The following FIG4 variants were observed in gnomAD, a reference collection of about 807,000 sequenced individuals.
FIG4 encodes FIG4 phosphoinositide 5-phosphatase, also known as polyphosphoinositide phosphatase.
In FIG4, 112 loss-of-function variants were observed where a neutral mutation model predicts 118.6. That is an observed-to-expected ratio of 0.94 (90% CI 0.81 to 1.11). The LOEUF (loss-of-function observed/expected upper bound fraction) is 1.11, where lower values mean the gene tolerates loss of function less well. Among genes scored for constraint, FIG4 ranks in the 50% least tolerant of loss-of-function variants. The pLI, the probability that FIG4 is intolerant of heterozygous loss-of-function variation, is 0.00. For synonymous variants in FIG4, 369 were observed against 381.2 expected (o/e 0.97, Z 0.37); for missense variants, 969 against 1,111.7 (o/e 0.87, Z 1.83).
chr6:109,748,325 G>A (rs574937175), intron 10 of FIG4, among the ~76,000 whole-genome samples: 1 of 152,128 alleles, frequency 6.6e-6, no homozygotes, highest in African/African-American at 2.4e-5. Flanking sequence ...AGGATGAAAG[G>A]CATTTTGGAT....
chr6:109,756,066 G>T (rs1384923563), intron 10 of FIG4, among the ~76,000 whole-genome samples: 1 of 152,152 alleles, frequency 6.6e-6, no homozygotes, highest in African/African-American at 2.4e-5. Context: ...ATTTTGCAGC[G>T]GCTGGTGCCG....
intron 22 of FIG4, among the ~76,000 whole-genome samples, chr6:109,804,248 T>A (rs985589288): frequency 6.6e-6 from 1 of 152,174 alleles, no homozygotes; most frequent in Non-Finnish European, 1.5e-5. Flanking sequence ...GGTTTAACCT[T>A]TAATATTTTG....
At chr6:109,801,620 C>T (rs902686909) in intron 22 of FIG4, among the ~76,000 whole-genome samples, 11 of 152,170 alleles carry the variant, frequency 7.2e-5, no homozygotes, top group South Asian at 6.2e-4. Context: ...AAGAATCTCT[C>T]GTAAAAAGTG....
chr6:109,695,601 G>GACACACACACACACAGAC (rs1774691716), intron 1 of FIG4, among the ~76,000 whole-genome samples: 2 of 99,268 alleles, frequency 2.0e-5, no homozygotes, highest in Non-Finnish European at 4.7e-5. Context: ...CACACACACA[G>GACACACACACACACAGAC]ACACACACAC....
chr6:109,733,566 A>G (rs1162614659), intron 5 of FIG4, among the ~76,000 whole-genome samples: 1 of 152,098 alleles, frequency 6.6e-6, no homozygotes, highest in East Asian at 1.9e-4. Context: ...AATATAGTTA[A>G]CCATTTCTTT....
chr6:109,805,927 G>T (rs1246155606), intron 22 of FIG4, among the ~76,000 whole-genome samples: 2 of 151,992 alleles, frequency 1.3e-5, no homozygotes, highest in African/African-American at 4.8e-5. Flanking sequence ...TTTGATAATA[G>T]AATAGAGCTA....
chr6:109,744,747 C>T (rs1003012110), intron 10 of FIG4, among the ~76,000 whole-genome samples: 8 of 152,116 alleles, frequency 5.3e-5, no homozygotes, highest in East Asian at 3.9e-4. Context: ...CCCATCAACC[C>T]GTCATCTACA....
intron 10 of FIG4, among the ~76,000 whole-genome samples, chr6:109,754,956 A>T (rs1321574664): frequency 6.6e-6 from 1 of 151,662 alleles, no homozygotes; most frequent in Non-Finnish European, 1.5e-5. Flanking sequence ...CTCTGATTTT[A>T]GTTATTTCTT....
chr6:109,786,846 TCC>T (rs1777974405), intron 18 of FIG4, among the ~76,000 whole-genome samples: 1 of 152,138 alleles, frequency 6.6e-6, no homozygotes, highest in South Asian at 2.1e-4. Context: ...GGGAAAATTA[TCC>T]AACTTACCTG....
At chr6:109,768,852 C>T (rs544217000) in intron 15 of FIG4, among the ~76,000 whole-genome samples, 66 of 152,228 alleles carry the variant, frequency 4.3e-4, no homozygotes, top group South Asian at 2.1e-3. Context: ...AAACCGGTGG[C>T]TCAAAACAAT....
chr6:109,700,490 C>T lies in FIG4; in HGVS notation c.66+8989C>T, dbSNP rs1339144561. On this transcript the variant is annotated intron_variant, in intron 1 of 22. Coordinates refer to ENST00000230124, the MANE Select transcript of FIG4 (RefSeq NM_014845.6). ...TAAAATGAAAATAGATTCCCTTTTT[C>T]CCCCTGTTAGAATGGCAAAGATTTG... Among the ~76,000 whole-genome samples the T allele has an allele frequency of 2.0e-5, 3 of 152,070 alleles. No individual in the cohort carries two copies. In the East Asian group the frequency reaches 5.8e-4, roughly 29 times the overall value.
chr6:109,795,595 CTTTTTTTTTTT>C (rs72384711), intron 21 of FIG4, among the ~76,000 whole-genome samples: 4,898 of 69,574 alleles, frequency 0.07, 340 homozygotes, highest in South Asian at 0.29. Flanking sequence ...GGTTTCAGTC[CTTTTTTTTTTT>C]TTTTTTTTTT....
At chr6:109,778,790 G>A (rs6568606) in intron 16 of FIG4, among the ~76,000 whole-genome samples, 133,700 of 152,010 alleles carry the variant, frequency 0.88, 58,895 homozygotes, top group East Asian at 0.92. Context: ...TAGTAGAGAC[G>A]GGGTTTCACT....
intron 1 of FIG4, among the ~76,000 whole-genome samples, chr6:109,710,910 A>G (rs6899506): frequency 9.5e-6 from 1 of 105,700 alleles, no homozygotes; most frequent in Non-Finnish European, 2.2e-5. Context: ...ATTAGTTTTT[A>G]AAAAAAAAAA....
chr6:109,753,795 C>G (rs1244897926), intron 10 of FIG4, among the ~76,000 whole-genome samples: 7 of 152,066 alleles, frequency 4.6e-5, no homozygotes, highest in Admixed American at 1.3e-4. Context: ...ATTTTGTATC[C>G]TGAGACTTTG....
At chr6:109,742,978 T>G in intron 8 of FIG4, 132 bp from the exon 9 acceptor site, 1 of 797,242 alleles carries the variant, frequency 1.3e-6, no homozygotes, top group East Asian at 2.7e-5. Flanking sequence ...GATCAATATT[T>G]ACCTCTCAAG....
At chr6:109,804,815 C>T (rs1778518095) in intron 22 of FIG4, among the ~76,000 whole-genome samples, 1 of 152,074 alleles carries the variant, frequency 6.6e-6, no homozygotes, top group Non-Finnish European at 1.5e-5. Flanking sequence ...TAAATGGAAC[C>T]CACTATGTGG....
At chr6:109,738,591 T>C in intron 7 of FIG4, 138 bp downstream of exon 7, 1 of 766,712 alleles carries the variant, frequency 1.3e-6, no homozygotes, top group East Asian at 2.6e-5. Flanking sequence ...TGATACTATG[T>C]AGCAGAAATA....
intron 10 of FIG4, among the ~76,000 whole-genome samples, chr6:109,758,844 A>T (rs1269289039): frequency 6.6e-6 from 1 of 152,228 alleles, no homozygotes; most frequent in Non-Finnish European, 1.5e-5. Context: ...CAACAAACAT[A>T]TGAAAAAAGG....
Sources: gnomAD v4.1 joint callset for allele counts (sites outside exome capture counted in the v4.1 genomes callset) on GRCh38, gnomAD v4.1.1 for gene constraint, MANE v1.5 for transcripts, NCBI Gene and HGNC (gene_info 2026-07-23, HGNC 2026-07-21) for gene names.